CNTN4: variants seen among roughly 807,000 people sequenced by gnomAD.
CNTN4 encodes the protein contactin 4, also known as contactin-4.
Under a neutral mutation model 122.5 loss-of-function variants are expected in CNTN4, and 77 were observed. The ratio of observed to expected loss-of-function variants is 0.63; its 90% CI spans 0.52 to 0.76. The LOEUF is 0.76. Among genes scored for constraint, CNTN4 ranks in the 30% least tolerant of loss-of-function variants. The pLI, the probability that CNTN4 is intolerant of heterozygous loss-of-function variation, is 0.00. For missense variants in CNTN4, 1,256 were observed against 1,259.1 expected (o/e 1.00, Z 0.04); for synonymous variants, 512 against 447.0 (o/e 1.15, Z -1.83).
At chr3:2,389,817 A>C (rs1035818423) in intron 3 of CNTN4, among the ~76,000 whole-genome samples, 3 of 152,220 alleles carry the variant, frequency 2.0e-5, no homozygotes, top group Admixed American at 6.5e-5. Context: ...GATGGGTTGC[A>C]CTAAGAAAAA....
chr3:2,447,280 G>T (rs535795224), intron 3 of CNTN4, among the ~76,000 whole-genome samples: 2 of 152,206 alleles, frequency 1.3e-5, no homozygotes, highest in South Asian at 4.2e-4. Flanking sequence ...GTACATGCCT[G>T]TTGTGTTGAA....
intron 3 of CNTN4, among the ~76,000 whole-genome samples, chr3:2,568,528 A>T (rs749522426): frequency 6.6e-6 from 1 of 152,140 alleles, no homozygotes. Context: ...GAGAGCTCAC[A>T]GCTGCAGGGG....
chr3:2,900,886 G>A lies in CNTN4; in HGVS notation c.1077+65G>A, dbSNP rs544476863. 1,478 of 1,571,208 alleles carry A rather than the reference G, an allele frequency of 9.4e-4. 2 individuals carry two copies. The highest frequency in any genetic ancestry group is 1.2e-3 in the Non-Finnish European group (1,414 of 1,141,852). The stretch of plus-strand genomic sequence containing the variant: ...TAACGTTTAATATAGCCTCATTGCC[G>A]TGGAAACGGGAGAATGGTGAATTGT... On this transcript the variant is annotated intron_variant, in intron 11 of 24. Coordinates refer to ENST00000418658, the MANE Select transcript of CNTN4 (RefSeq NM_175607.3).
chr3:2,592,144 G>T (rs967950468), intron 4 of CNTN4, among the ~76,000 whole-genome samples: 2 of 152,088 alleles, frequency 1.3e-5, no homozygotes, highest in Non-Finnish European at 2.9e-5. Flanking sequence ...GCCTCTGAAA[G>T]TGTTGGACTT....
At chr3:2,534,257 C>T (rs1453186144) in intron 3 of CNTN4, among the ~76,000 whole-genome samples, 2 of 152,068 alleles carry the variant, frequency 1.3e-5, no homozygotes, top group African/African-American at 4.8e-5. Flanking sequence ...TGTAAGTCTT[C>T]AATCCATCTT....
chr3:2,559,168 A>C (rs766490032), intron 3 of CNTN4, among the ~76,000 whole-genome samples: 3 of 152,212 alleles, frequency 2.0e-5, no homozygotes, highest in Non-Finnish European at 4.4e-5. Context: ...TGCTGTTCAT[A>C]TAAGAGGGAA....
At chr3:2,831,574 C>T (rs976944857) in intron 7 of CNTN4, among the ~76,000 whole-genome samples, 2 of 152,198 alleles carry the variant, frequency 1.3e-5, no homozygotes, top group African/African-American at 4.8e-5. Context: ...CCATCTCCAG[C>T]CGAAACACAC....
intron 2 of CNTN4, among the ~76,000 whole-genome samples, chr3:2,324,676 G>A (rs1405345029): frequency 6.6e-6 from 1 of 152,076 alleles, no homozygotes; most frequent in African/African-American, 2.4e-5. Context: ...AAAAGGTAAA[G>A]GAATCACCTT....
At chr3:2,441,433 A>G (rs1429174614) in intron 3 of CNTN4, among the ~76,000 whole-genome samples, 1 of 152,196 alleles carries the variant, frequency 6.6e-6, no homozygotes, top group African/African-American at 2.4e-5. Context: ...ATTTCCCAAT[A>G]TTATCTGTCC....
chr3:2,152,154 CA>C (rs925030690), intron 2 of CNTN4, among the ~76,000 whole-genome samples: 9 of 152,066 alleles, frequency 5.9e-5, no homozygotes, highest in African/African-American at 2.2e-4. Flanking sequence ...GCAAGTTTGT[CA>C]GATGGGTATG....
intron 4 of CNTN4, among the ~76,000 whole-genome samples, chr3:2,637,259 C>T (rs1435475755): frequency 3.9e-5 from 6 of 152,064 alleles, no homozygotes; most frequent in African/African-American, 1.2e-4. Flanking sequence ...TCTTTACATA[C>T]ACAAGGTGCT....
intron 3 of CNTN4, among the ~76,000 whole-genome samples, chr3:2,388,345 G>T (rs1440360964): frequency 1.3e-5 from 2 of 152,154 alleles, no homozygotes; most frequent in African/African-American, 4.8e-5. Flanking sequence ...TGGGATCAAT[G>T]CATTGCCATT....
intron 3 of CNTN4, among the ~76,000 whole-genome samples, chr3:2,373,279 C>G (rs2045699641): frequency 6.6e-6 from 1 of 152,132 alleles, no homozygotes; most frequent in African/African-American, 2.4e-5. Context: ...ACTCCTTGGG[C>G]AGGAGGAGGT....
At chr3:2,856,066 G>A (rs974261810) in intron 7 of CNTN4, among the ~76,000 whole-genome samples, 3 of 152,136 alleles carry the variant, frequency 2.0e-5, no homozygotes, top group African/African-American at 4.8e-5. Context: ...TGGGCCTGGA[G>A]TTCAGCAATA....
At chr3:2,736,019 T>A in intron 4 of CNTN4, 196 bp from the exon 5 acceptor site, 1 of 716,062 alleles carries the variant, frequency 1.4e-6, no homozygotes, top group East Asian at 2.7e-5. Context: ...AGAGGGCTTA[T>A]ATTTTCACTT....
chr3:2,622,046 T>C (rs1240898943), intron 4 of CNTN4, among the ~76,000 whole-genome samples: 1 of 152,202 alleles, frequency 6.6e-6, no homozygotes, highest in Non-Finnish European at 1.5e-5. Context: ...GAGAGATTGC[T>C]CAGGCAATTT....
intron 4 of CNTN4, among the ~76,000 whole-genome samples, chr3:2,680,936 T>C (rs773011348): frequency 1.3e-5 from 2 of 152,198 alleles, no homozygotes; most frequent in South Asian, 2.1e-4. Flanking sequence ...GTTGTAAATA[T>C]TGGTTGCATA....
chr3:2,902,205 T>C (rs569887182), intron 11 of CNTN4, among the ~76,000 whole-genome samples: 1 of 152,302 alleles, frequency 6.6e-6, no homozygotes, highest in East Asian at 1.9e-4. Context: ...AGATCCTTTT[T>C]GATACTTATG....
At chr3:2,274,341 C>G (rs2041416534) in intron 2 of CNTN4, among the ~76,000 whole-genome samples, 1 of 151,954 alleles carries the variant, frequency 6.6e-6, no homozygotes, top group Non-Finnish European at 1.5e-5. Flanking sequence ...CAAGATTGCA[C>G]CACTGCACTC....
Sources: gnomAD v4.1 joint callset for allele counts (sites outside exome capture counted in the v4.1 genomes callset) on GRCh38, gnomAD v4.1.1 for gene constraint, MANE v1.5 for transcripts, NCBI Gene and HGNC (gene_info 2026-07-23, HGNC 2026-07-21) for gene names.